The following DOCK8 variants were observed in gnomAD, a reference collection of about 807,000 sequenced individuals.
DOCK8 encodes the protein dedicator of cytokinesis 8, also known as dedicator of cytokinesis protein 8.
Under a neutral mutation model 245.6 loss-of-function variants are expected in DOCK8, and 141 were observed. The observed-to-expected ratio is 0.57, with a 90% CI of 0.50 to 0.66. The LOEUF is 0.66. Among genes scored for constraint, DOCK8 ranks in the 30% least tolerant of loss-of-function variants. The pLI, the probability that DOCK8 is intolerant of heterozygous loss-of-function variation, is 0.00. For missense variants in DOCK8, 2,965 were observed against 2,603.4 expected, an observed-to-expected ratio of 1.14 and a Z score of -3.02; for synonymous variants, 1,168 against 970.2, an observed-to-expected ratio of 1.20 and a Z score of -3.79.
At chr9:274,494 T>TC (rs2048269393) in intron 2 of DOCK8, among the ~76,000 whole-genome samples, 2 of 151,036 alleles carry the variant, frequency 1.3e-5, no homozygotes, top group Admixed American at 1.3e-4. Context: ...TCTTTTCTTT[T>TC]TTTTTTTTTA....
intron 1 of DOCK8, among the ~76,000 whole-genome samples, chr9:223,771 T>G (rs555391520): frequency 9.8e-4 from 114 of 116,116 alleles, no homozygotes; most frequent in African/African-American, 4.1e-3. Context: ...CTTTAGTTGT[T>G]TTTTTTTTAA....
chr9:364,341 T>C (rs2052874852), intron 14 of DOCK8, among the ~76,000 whole-genome samples: 1 of 152,020 alleles, frequency 6.6e-6, no homozygotes, highest in Admixed American at 6.6e-5. Flanking sequence ...ATGATGAAAA[T>C]GTTTAATGTG....
At chr9:389,782 A>G (rs540014436) in intron 23 of DOCK8, among the ~76,000 whole-genome samples, 3 of 152,238 alleles carry the variant, frequency 2.0e-5, no homozygotes, top group East Asian at 1.9e-4. Context: ...TTGGGAGGCC[A>G]AGGCGGGTGG....
intron 1 of DOCK8, among the ~76,000 whole-genome samples, chr9:268,826 T>A (rs2048092278): frequency 6.6e-6 from 1 of 152,218 alleles, no homozygotes; most frequent in African/African-American, 2.4e-5. Context: ...GTTTGAGTCC[T>A]GTGGTGCCAA....
intron 26 of DOCK8, among the ~76,000 whole-genome samples, chr9:400,027 A>T (rs1470395905): frequency 1.8e-4 from 15 of 84,186 alleles, no homozygotes; most frequent in East Asian, 8.6e-4. Context: ...CACCACCTCC[A>T]CCATCACCAC....
At chr9:235,838 C>A (rs1486854047) in intron 1 of DOCK8, among the ~76,000 whole-genome samples, 2 of 152,274 alleles carry the variant, frequency 1.3e-5, no homozygotes, top group Non-Finnish European at 2.9e-5. Context: ...ATTCCCTGAC[C>A]CCTTGCACTT....
At chr9:450,051 C>G (rs559883988) in intron 45 of DOCK8, 124 bp downstream of exon 45, 1 of 1,098,298 alleles carries the variant, frequency 9.1e-7, no homozygotes, top group Non-Finnish European at 1.3e-6. Context: ...AGAAATGTTC[C>G]TACACTTAAC....
intron 7 of DOCK8, among the ~76,000 whole-genome samples, chr9:322,775 C>T (rs191033244): frequency 1.3e-5 from 2 of 152,236 alleles, no homozygotes; most frequent in African/African-American, 2.4e-5. Context: ...TGCCAGGCAG[C>T]AGCTGGTGAG....
intron 8 of DOCK8, among the ~76,000 whole-genome samples, chr9:326,546 A>T (rs761194248): frequency 6.6e-6 from 1 of 152,190 alleles, no homozygotes; most frequent in African/African-American, 2.4e-5. Context: ...TGCATTTCTA[A>T]CAGTCCCCTG....
chr9:422,184 A>G (rs529211297), intron 33 of DOCK8, 49 bp downstream of exon 33: 34 of 1,518,456 alleles, frequency 2.2e-5, no homozygotes, highest in Middle Eastern at 1.7e-4. Flanking sequence ...GTCCAAAACT[A>G]TTTTTCCCAG....
At chr9:306,999 G>A (rs985047116) in intron 5 of DOCK8, among the ~76,000 whole-genome samples, 1 of 152,170 alleles carries the variant, frequency 6.6e-6, no homozygotes, top group African/African-American at 2.4e-5. Flanking sequence ...CCTTCAAGGA[G>A]GTAAGATAAG....
chr9:372,037 A>G (rs903233343), intron 17 of DOCK8, 148 bp from the exon 18 acceptor site: 1 of 734,258 alleles, frequency 1.4e-6, no homozygotes, highest in Non-Finnish European at 2.3e-6. Context: ...TTTAAAATGC[A>G]AAGAACTGGA....
chr9:408,377 A>G (rs569013918), intron 28 of DOCK8, among the ~76,000 whole-genome samples: 1 of 152,272 alleles, frequency 6.6e-6, no homozygotes, highest in South Asian at 2.1e-4. Flanking sequence ...TTAGCTCTCA[A>G]TTCTGCCTCC....
chr9:323,463 C>A (rs10970298), intron 7 of DOCK8, among the ~76,000 whole-genome samples: 11 of 151,970 alleles, frequency 7.2e-5, no homozygotes, highest in Non-Finnish European at 1.5e-4. Context: ...CCTCATGATC[C>A]GCTTGCCTCG....
chr9:325,589 A>C (rs934087889), intron 7 of DOCK8, 82 bp from the exon 8 acceptor site: 16 of 1,130,694 alleles, frequency 1.4e-5, no homozygotes, highest in Non-Finnish European at 2.2e-5. Flanking sequence ...ATTTTTAACC[A>C]GTTTATCTAT....
At chr9:253,495 T>G (rs2047698173) in intron 1 of DOCK8, among the ~76,000 whole-genome samples, 1 of 152,242 alleles carries the variant, frequency 6.6e-6, no homozygotes, top group African/African-American at 2.4e-5. Flanking sequence ...TTTGTTAGGC[T>G]TAAGCAGTCC....
At chr9:347,269 C>T (rs1419854391) in intron 14 of DOCK8, among the ~76,000 whole-genome samples, 4 of 151,984 alleles carry the variant, frequency 2.6e-5, no homozygotes, top group Non-Finnish European at 5.9e-5. Context: ...TTTGGGAGGC[C>T]GAGGCGGGAG....
At chr9:239,676 T>C (rs1363022065) in intron 1 of DOCK8, among the ~76,000 whole-genome samples, 2 of 152,168 alleles carry the variant, frequency 1.3e-5, no homozygotes, top group Non-Finnish European at 2.9e-5. Context: ...GGTAAGCAAA[T>C]ACTTTAAAAA....
At chr9:293,548 G>A (rs1012100470) in intron 4 of DOCK8, among the ~76,000 whole-genome samples, 1 of 152,238 alleles carries the variant, frequency 6.6e-6, no homozygotes, top group African/African-American at 2.4e-5. Context: ...GGAGACTTCA[G>A]ATTTCTGTAT....
Sources: allele counts gnomAD v4.1 joint callset (sites outside exome capture counted in the v4.1 genomes callset), GRCh38; gene constraint gnomAD v4.1.1; transcripts MANE v1.5; gene names NCBI Gene and HGNC (gene_info 2026-07-23, HGNC 2026-07-21).